Variants in PIK3C2G observed in about 807,000 individuals in gnomAD.
PIK3C2G encodes the protein phosphatidylinositol 3-kinase C2 domain-containing subunit gamma.
In PIK3C2G, 168 loss-of-function variants were observed where a neutral mutation model predicts 181.1. The observed-to-expected ratio is 0.93, with a 90% CI of 0.82 to 1.05. The LOEUF (loss-of-function observed/expected upper bound fraction) is 1.05, where lower values mean the gene tolerates loss of function less well. Ranked by LOEUF, PIK3C2G falls within the 50% of genes least tolerant of loss-of-function variation. The pLI, the probability that PIK3C2G is intolerant of heterozygous loss-of-function variation, is 0.00. For missense variants in PIK3C2G, 1,869 were observed against 1,732.8 expected, an observed-to-expected ratio of 1.08 and a Z score of -1.40; for synonymous variants, 573 against 592.2, an observed-to-expected ratio of 0.97 and a Z score of 0.47.
chr12:18,599,236 T>A, intron 30 of PIK3C2G, among the ~76,000 whole-genome samples: 1 of 152,258 alleles, frequency 6.6e-6, no homozygotes, highest in Admixed American at 6.5e-5. Flanking sequence ...TAGCAAAGAC[T>A]TGGAACCAAC....
intron 30 of PIK3C2G, among the ~76,000 whole-genome samples, chr12:18,595,921 T>C (rs950104172): frequency 2.0e-5 from 3 of 152,248 alleles, no homozygotes; most frequent in Admixed American, 6.6e-5. Context: ...ACGCCTAGAA[T>C]GTTATTTCTT....
chr12:18,318,842 C>T (rs933661645), intron 6 of PIK3C2G, among the ~76,000 whole-genome samples: 1 of 150,600 alleles, frequency 6.6e-6, no homozygotes, highest in Non-Finnish European at 1.5e-5. Flanking sequence ...GGCCTCTAAT[C>T]CCAGCACTTT....
intron 26 of PIK3C2G, among the ~76,000 whole-genome samples, chr12:18,556,571 A>C (rs1945023765): frequency 6.6e-6 from 1 of 152,186 alleles, no homozygotes; most frequent in Admixed American, 6.6e-5. Context: ...CTTCATGAGA[A>C]GTGAGTGCAT....
At chr12:18,453,895 T>C (rs563663124) in intron 18 of PIK3C2G, among the ~76,000 whole-genome samples, 2 of 152,312 alleles carry the variant, frequency 1.3e-5, no homozygotes, top group South Asian at 4.1e-4. Flanking sequence ...TGCCAAAATT[T>C]ACTCATTTGT....
the PIK3C2G span, chr12:18,694,008 G>C: frequency 6.7e-7 from 1 of 1,482,574 alleles, no homozygotes; most frequent in Non-Finnish European, 9.4e-7. Context: ...AGAGAACGTA[G>C]AATGAAAGTA....
the PIK3C2G span, among the ~76,000 whole-genome samples, chr12:18,697,793 TACA>T: frequency 8.5e-6 from 1 of 117,112 alleles, no homozygotes; most frequent in African/African-American, 4.0e-5. Flanking sequence ...AATATTCATC[TACA>T]ACATTATTTT....
At chr12:18,334,058 A>T (rs1422861823) in intron 8 of PIK3C2G, among the ~76,000 whole-genome samples, 1 of 152,176 alleles carries the variant, frequency 6.6e-6, no homozygotes, top group African/African-American at 2.4e-5. Context: ...TCCGGGACAC[A>T]TCCAATATTT....
At chr12:18,574,035 A>G (rs1946111396) in intron 29 of PIK3C2G, among the ~76,000 whole-genome samples, 1 of 152,148 alleles carries the variant, frequency 6.6e-6, no homozygotes, top group African/African-American at 2.4e-5. Context: ...CAGAACATAC[A>G]ACTTCTGAAT....
At chr12:18,436,703 T>G (rs1464098397) in intron 18 of PIK3C2G, among the ~76,000 whole-genome samples, 1 of 152,018 alleles carries the variant, frequency 6.6e-6, no homozygotes, top group African/African-American at 2.4e-5. Flanking sequence ...CAAGTCATAT[T>G]ACAAAAGATG....
the PIK3C2G span, among the ~76,000 whole-genome samples, chr12:18,665,264 GACT>G: frequency 6.6e-6 from 1 of 152,024 alleles, no homozygotes; most frequent in Non-Finnish European, 1.5e-5. Flanking sequence ...AGGGTATATA[GACT>G]TTCAGTTTTG....
chr12:18,605,920 T>A (rs866074216), intron 30 of PIK3C2G, among the ~76,000 whole-genome samples: 2 of 152,260 alleles, frequency 1.3e-5, no homozygotes, highest in South Asian at 4.1e-4. Flanking sequence ...TTGGACCAAG[T>A]GCCTGAGTTT....
At chr12:18,256,594 C>T (rs1422403134), upstream of PIK3C2G, among the ~76,000 whole-genome samples, 1 of 152,080 alleles carries the variant, frequency 6.6e-6, no homozygotes, top group African/African-American at 2.4e-5. Flanking sequence ...TTAGAGTCAC[C>T]TCTAGCCCGA....
chr12:18,649,681 T>C (rs1487608002), downstream of PIK3C2G, among the ~76,000 whole-genome samples: 1 of 152,166 alleles, frequency 6.6e-6, no homozygotes, highest in Middle Eastern at 3.2e-3. Context: ...GAAACTACTT[T>C]AGTCAAAATC....
chr12:18,459,359 G>T (rs1947800032), intron 18 of PIK3C2G, among the ~76,000 whole-genome samples: 1 of 152,150 alleles, frequency 6.6e-6, no homozygotes, highest in Non-Finnish European at 1.5e-5. Flanking sequence ...AAAAGTAAAA[G>T]AGACTAACCT....
At chr12:18,533,532 T>C (rs1943668733) in intron 24 of PIK3C2G, among the ~76,000 whole-genome samples, 1 of 152,172 alleles carries the variant, frequency 6.6e-6, no homozygotes, top group African/African-American at 2.4e-5. Flanking sequence ...AAGTCTCTTG[T>C]CTGATCTGCT....
chr12:18,577,325 C>T (rs571568674), intron 29 of PIK3C2G, among the ~76,000 whole-genome samples: 2 of 152,264 alleles, frequency 1.3e-5, no homozygotes, highest in East Asian at 1.9e-4. Flanking sequence ...AAGACCAAAA[C>T]CACCAAACAT....
chr12:18,562,593 G>T (rs1945407840), intron 26 of PIK3C2G, 110 bp from the exon 27 acceptor site: 2 of 651,418 alleles, frequency 3.1e-6, no homozygotes, highest in Non-Finnish European at 5.3e-6. Context: ...AACATACATG[G>T]TTCTTGGCTT....
the PIK3C2G span, among the ~76,000 whole-genome samples, chr12:18,711,789 G>T: frequency 6.6e-6 from 1 of 151,920 alleles, no homozygotes; most frequent in Admixed American, 6.6e-5. Flanking sequence ...CAAACAGGCA[G>T]TTGTGTACTT....
At position 18,516,261 on chromosome 12, in the gene PIK3C2G, GT is replaced by G. The variant is rs34294540; in HGVS notation, c.3323+10815del. On this transcript the variant is annotated intron_variant, in intron 24 of 32. Transcript: ENST00000538779. The stretch of plus-strand genomic sequence containing the variant: ...CTGAGTACTGTATTATTGACTGATG[GT>G]TTTTTTTTTTTTTTCATTCAGCATT... Among the ~76,000 whole-genome samples, 1,221 of 138,342 alleles carry G rather than the reference GT, an allele frequency of 8.8e-3. 7 individuals carry two copies. The highest frequency in any genetic ancestry group is 0.012 in the Non-Finnish European group (769 of 64,312). 90.8% of individuals were successfully genotyped at this position (138,342 alleles called of 152,430 possible).
Sources: allele counts gnomAD v4.1 joint callset (sites outside exome capture counted in the v4.1 genomes callset), GRCh38; gene constraint gnomAD v4.1.1; transcripts MANE v1.5; gene names NCBI Gene and HGNC (gene_info 2026-07-23, HGNC 2026-07-21).